Variants in STX18 observed in about 807,000 individuals in gnomAD.
STX18 encodes the protein syntaxin 18, also known as syntaxin-18.
In STX18, 40 loss-of-function variants were observed where a neutral mutation model predicts 50.1. That is an observed-to-expected ratio of 0.80 (90% CI 0.62 to 1.04). The LOEUF is 1.04. Among genes scored for constraint, STX18 ranks in the 50% least tolerant of loss-of-function variants. The pLI is 0.00. For missense variants in STX18, 410 were observed against 415.8 expected, an observed-to-expected ratio of 0.99 and a Z score of 0.12; for synonymous variants, 158 against 151.8, an observed-to-expected ratio of 1.04 and a Z score of -0.30.
chr4:4,477,529 C>T (rs1411481353), intron 1 of STX18, among the ~76,000 whole-genome samples: 1 of 152,202 alleles, frequency 6.6e-6, no homozygotes, highest in African/African-American at 2.4e-5. Flanking sequence ...GCTACTCACC[C>T]ACTTCTCCCA....
chr4:4,452,618 G>A (rs1726817479), intron 5 of STX18, among the ~76,000 whole-genome samples: 1 of 152,200 alleles, frequency 6.6e-6, no homozygotes, highest in South Asian at 2.1e-4. Flanking sequence ...GACTGCTTGA[G>A]CCCAGGAGTT....
At chr4:4,514,002 C>T (rs986166979) in intron 1 of STX18, among the ~76,000 whole-genome samples, 25 of 152,018 alleles carry the variant, frequency 1.6e-4, no homozygotes, top group Admixed American at 1.6e-3. Flanking sequence ...AGAAAGAACT[C>T]GAGAGGGCAG....
At chr4:4,507,488 C>T in intron 1 of STX18, 1 of 765,386 alleles carries the variant, frequency 1.3e-6, no homozygotes, top group East Asian at 2.5e-5. Context: ...ATCTTTATCG[C>T]TCAGAGGAGA....
At chr4:4,451,320 T>G (rs1726740993) in intron 5 of STX18, among the ~76,000 whole-genome samples, 1 of 152,236 alleles carries the variant, frequency 6.6e-6, no homozygotes, top group Non-Finnish European at 1.5e-5. Flanking sequence ...AGAAAATATG[T>G]GGGAAGTTTT....
At chr4:4,453,817 C>A (rs925667019) in intron 5 of STX18, 4 of 204,124 alleles carry the variant, frequency 2.0e-5, no homozygotes, top group Admixed American at 6.5e-5. Flanking sequence ...AATGAAGCCA[C>A]CTTCACCACT....
intron 1 of STX18, among the ~76,000 whole-genome samples, chr4:4,492,079 G>T (rs1005631860): frequency 4.6e-5 from 7 of 151,880 alleles, no homozygotes; most frequent in African/African-American, 1.7e-4. Context: ...TTAAACTTAG[G>T]AAAGAAAAAT....
chr4:4,486,283 A>G (rs945977234), intron 1 of STX18, among the ~76,000 whole-genome samples: 1 of 152,214 alleles, frequency 6.6e-6, no homozygotes, highest in African/African-American at 2.4e-5. Context: ...GATTCTAGTT[A>G]CTGAGGTTAT....
chr4:4,483,702 G>A (rs114827408), intron 1 of STX18, among the ~76,000 whole-genome samples: 1 of 152,272 alleles, frequency 6.6e-6, no homozygotes, highest in East Asian at 1.9e-4. Flanking sequence ...TTTGCCAAAA[G>A]AGCAGCATGA....
chr4:4,507,302 C>A (rs111525654), intron 1 of STX18: 2 of 722,346 alleles, frequency 2.8e-6, no homozygotes, highest in South Asian at 2.7e-5. Flanking sequence ...GAAAAGAACT[C>A]GGACCTCAAG....
intron 1 of STX18, among the ~76,000 whole-genome samples, chr4:4,483,203 A>G (rs563490751): frequency 6.6e-6 from 1 of 152,214 alleles, no homozygotes; most frequent in African/African-American, 2.4e-5. Flanking sequence ...TGGAACGTAT[A>G]GCTTCCTTTC....
intron 7 of STX18, among the ~76,000 whole-genome samples, chr4:4,432,833 T>G (rs1345891025): frequency 6.6e-6 from 1 of 152,278 alleles, no homozygotes; most frequent in African/African-American, 2.4e-5. Flanking sequence ...AGCAAGAGGA[T>G]GCTGAGCCAG....
chr4:4,491,968 T>A (rs1463845641), intron 1 of STX18, among the ~76,000 whole-genome samples: 2 of 152,164 alleles, frequency 1.3e-5, no homozygotes, highest in African/African-American at 2.4e-5. Context: ...GTTCATTTTT[T>A]AAAATGAGGT....
At chr4:4,423,932 C>T (rs1725101468) in intron 8 of STX18, 2 of 334,588 alleles carry the variant, frequency 6.0e-6, no homozygotes, top group Non-Finnish European at 1.1e-5. Flanking sequence ...TTACAGAAAG[C>T]AGTCTCCAGT....
chr4:4,508,451 G>A (rs542566790), intron 1 of STX18, among the ~76,000 whole-genome samples: 43 of 152,156 alleles, frequency 2.8e-4, no homozygotes, highest in Non-Finnish European at 5.4e-4. Context: ...TACATGAGAA[G>A]TTTGTTACTT....
At chr4:4,529,967 A>AC (rs1731018395) in intron 1 of STX18, among the ~76,000 whole-genome samples, 1 of 152,050 alleles carries the variant, frequency 6.6e-6, no homozygotes. Context: ...CAGGAAAATT[A>AC]CTCCCTTTAC....
At chr4:4,526,826 A>G (rs950815500) in intron 1 of STX18, among the ~76,000 whole-genome samples, 6 of 152,316 alleles carry the variant, frequency 3.9e-5, no homozygotes, top group African/African-American at 1.4e-4. Context: ...GAAAAAATAA[A>G]AAAAGGCTTC....
intron 1 of STX18, among the ~76,000 whole-genome samples, chr4:4,540,332 T>C (rs1025021344): frequency 7.9e-5 from 12 of 152,198 alleles, no homozygotes; most frequent in Non-Finnish European, 1.5e-4. Context: ...AACTCTGCAA[T>C]GATACACAAA....
chr4:4,491,295 C>T (rs1728931253), intron 1 of STX18, among the ~76,000 whole-genome samples: 3 of 152,140 alleles, frequency 2.0e-5, no homozygotes, highest in Admixed American at 2.0e-4. Flanking sequence ...TCAGTCTGGA[C>T]ATTTTATAAA....
At chr4:4,442,471 G>C (rs1416268277) in intron 5 of STX18, among the ~76,000 whole-genome samples, 1 of 152,132 alleles carries the variant, frequency 6.6e-6, no homozygotes, top group African/African-American at 2.4e-5. Context: ...ACAAAAATTA[G>C]CCGGGCGTGG....
Sources: allele counts gnomAD v4.1 joint callset (sites outside exome capture counted in the v4.1 genomes callset), GRCh38; gene constraint gnomAD v4.1.1; transcripts MANE v1.5; gene names NCBI Gene and HGNC (gene_info 2026-07-23, HGNC 2026-07-21).